Variants in TINAG observed in about 807,000 individuals in gnomAD.
TINAG encodes the protein tubulointerstitial nephritis antigen.
In TINAG, 83 loss-of-function variants were observed where a neutral mutation model predicts 72.7. The observed-to-expected ratio is 1.14, with a 90% CI of 0.96 to 1.37. The LOEUF (loss-of-function observed/expected upper bound fraction) is 1.37. Among genes scored for constraint, TINAG ranks in the 40% most tolerant of loss-of-function variants. The pLI is 0.00. For synonymous variants in TINAG, 234 were observed against 189.9 expected (o/e 1.23, Z -1.91); for missense variants, 685 against 576.6 (o/e 1.19, Z -1.93).
At chr6:54,333,016 G>C (rs1784776840) in intron 4 of TINAG, among the ~76,000 whole-genome samples, 1 of 152,164 alleles carries the variant, frequency 6.6e-6, no homozygotes, top group Admixed American at 6.5e-5. Context: ...TTTTACTGGT[G>C]ATGGGAGTGT....
chr6:54,384,481 C>T (rs540503945), intron 10 of TINAG, among the ~76,000 whole-genome samples: 56 of 152,008 alleles, frequency 3.7e-4, no homozygotes, highest in African/African-American at 1.1e-3. Context: ...ACACATTATT[C>T]TCAAAAAAAG....
intron 9 of TINAG, among the ~76,000 whole-genome samples, chr6:54,371,036 T>C (rs1427405993): frequency 6.6e-6 from 1 of 152,042 alleles, no homozygotes; most frequent in African/African-American, 2.4e-5. Flanking sequence ...GGCAAAGACA[T>C]TGTAGGAATG....
At chr6:54,342,167 ATC>A in intron 4 of TINAG, among the ~76,000 whole-genome samples, 1 of 152,260 alleles carries the variant, frequency 6.6e-6, no homozygotes, top group Middle Eastern at 3.4e-3. Context: ...AGTGAAAGTC[ATC>A]TCTTTAGAAA....
intron 10 of TINAG, among the ~76,000 whole-genome samples, chr6:54,384,636 G>A (rs1203406200): frequency 1.3e-5 from 2 of 151,986 alleles, no homozygotes; most frequent in Non-Finnish European, 1.5e-5. Context: ...TTTATACATG[G>A]TGACATTTTT....
At chr6:54,377,650 C>A (rs1763820283) in intron 9 of TINAG, among the ~76,000 whole-genome samples, 1 of 152,024 alleles carries the variant, frequency 6.6e-6, no homozygotes, top group South Asian at 2.1e-4. Context: ...ATATTTAGAG[C>A]AAATATGAAT....
Position 54,354,559 on chromosome 6 carries a change from A to G in TINAG, c.1173A>G (p.Ile391Met). The change falls in exon 9 of 11, where the codon ATA becomes ATG. Residue 391 changes from isoleucine to methionine, a missense_variant. Coordinates refer to ENST00000259782, the MANE Select transcript of TINAG (RefSeq NM_014464.4). ...ATTTCTTCCATTATAAGACAGGGAT[A>G]TACAGACATGTTACCAGCACAAATA... ...REDFFHYKTG[I>M]YRHVTSTNKE... 6.2e-7 allele frequency: 1 copy of G among 1,610,454 alleles called. No homozygotes were observed. The highest frequency in any genetic ancestry group is 1.7e-4 in the Middle Eastern group (1 of 6,032).
At chr6:54,320,381 T>TA (rs968504763) in intron 1 of TINAG, among the ~76,000 whole-genome samples, 198 bp from the exon 2 acceptor site, 12 of 152,124 alleles carry the variant, frequency 7.9e-5, no homozygotes, top group Non-Finnish European at 1.5e-4. Flanking sequence ...AGTTTAAAGA[T>TA]AAAAGCATTG....
rs186603122 is a variant in TINAG at position 54,343,673 on chromosome 6, A to T, written c.748+324A>T. On this transcript the variant is annotated intron_variant, in intron 5 of 10. Coordinates refer to ENST00000259782, the MANE Select transcript of TINAG (RefSeq NM_014464.4). The stretch of plus-strand genomic sequence containing the variant: ...AGGATTAAGGTTCTTTTTCATTCAT[A>T]TATTATTTATAATTCTAATATACAT... 9.9e-5 allele frequency among the ~76,000 whole-genome samples: 15 copies of T among 152,068 alleles called. No homozygotes were observed. The East Asian group carries it at 1.3e-3, about 14-fold the overall frequency.
intron 1 of TINAG, among the ~76,000 whole-genome samples, chr6:54,319,167 A>G (rs1049260083): frequency 1.3e-5 from 2 of 152,132 alleles, no homozygotes; most frequent in Non-Finnish European, 2.9e-5. Context: ...ATGATTAAAA[A>G]TCAGCTTTGT....
At chr6:54,323,592 AT>A (rs1397499510) in intron 3 of TINAG, among the ~76,000 whole-genome samples, 12 of 152,086 alleles carry the variant, frequency 7.9e-5, no homozygotes, top group Admixed American at 3.3e-4. Context: ...TCTCTGTATT[AT>A]TTTTTAATGT....
At position 54,372,804 on chromosome 6, in the gene TINAG, A is replaced by T. The variant is rs1463544757; in HGVS notation, c.1251-7722A>T. Among the ~76,000 whole-genome samples the T allele has an allele frequency of 3.3e-5, 5 of 149,530 alleles. No homozygotes were observed. In the East Asian group the frequency reaches 1.0e-3, roughly 30 times the overall value. Reference sequence around the variant, plus strand: ...CACACACATATACATGACAATTCTGATAATGAATGAACCAAGAGTTTTGTT... The same window carrying T: ...CACACACATATACATGACAATTCTGTTAATGAATGAACCAAGAGTTTTGTT... On this transcript the variant is annotated intron_variant, in intron 9 of 10. Coordinates refer to ENST00000259782, the MANE Select transcript of TINAG (RefSeq NM_014464.4).
At chr6:54,367,480 A>T in intron 9 of TINAG, among the ~76,000 whole-genome samples, 1 of 151,810 alleles carries the variant, frequency 6.6e-6, no homozygotes, top group Non-Finnish European at 1.5e-5. Context: ...GTAATATTGT[A>T]AATTCATTGG....
chr6:54,350,141 A>G (rs1785229488), intron 7 of TINAG, among the ~76,000 whole-genome samples: 1 of 152,080 alleles, frequency 6.6e-6, no homozygotes, highest in Admixed American at 6.6e-5. Context: ...GGGTTTTAAA[A>G]TTATGTTTCA....
chr6:54,340,092 T>C (rs935822189), intron 4 of TINAG, among the ~76,000 whole-genome samples: 1 of 152,194 alleles, frequency 6.6e-6, no homozygotes, highest in Non-Finnish European at 1.5e-5. Flanking sequence ...AATTCTCCAG[T>C]GTTTATTGTT....
At chr6:54,356,351 A>G (rs954952148) in intron 9 of TINAG, among the ~76,000 whole-genome samples, 3 of 151,884 alleles carry the variant, frequency 2.0e-5, no homozygotes, top group Non-Finnish European at 4.4e-5. Flanking sequence ...CCTGGCCAAC[A>G]TGGTGAAACC....
At chr6:54,359,395 T>C (rs1420584054) in intron 9 of TINAG, among the ~76,000 whole-genome samples, 1 of 151,902 alleles carries the variant, frequency 6.6e-6, no homozygotes, top group Non-Finnish European at 1.5e-5. Flanking sequence ...ACTTTTCTAT[T>C]ATTCATAGAA....
Position 54,349,822 on chromosome 6 carries a change from A to G in TINAG, c.1006A>G (p.Lys336Glu). The G allele has an allele frequency of 8.1e-6, 13 of 1,611,158 alleles. No individual in the cohort carries two copies. The highest frequency in any genetic ancestry group is 1.1e-5 in the Non-Finnish European group (13 of 1,178,154). Residue 336 changes from lysine to glutamate, a missense_variant, in exon 7 of 11, where the codon AAG becomes GAG. Physicochemically the swap from Lys to Glu is moderately conservative, Grantham distance 56 (BLOSUM62 1). Coordinates refer to ENST00000259782, the MANE Select transcript of TINAG (RefSeq NM_014464.4). ...SDGRGKRHATKPCPNNVEKSN... is the reference protein window; with the variant it reads ...SDGRGKRHATEPCPNNVEKSN... The stretch of plus-strand genomic sequence containing the variant: ...TGGGCGAGGAAAACGGCATGCCACG[A>G]AGCCATGTCCCAACAACGTAGAAAA...
chr6:54,311,334 C>T (rs1376841756), intron 1 of TINAG, among the ~76,000 whole-genome samples: 1 of 152,128 alleles, frequency 6.6e-6, no homozygotes, highest in Non-Finnish European at 1.5e-5. Flanking sequence ...AAGTTGTCTA[C>T]AGCTCTTTGC....
At chr6:54,354,379 G>C (rs540019156) in intron 8 of TINAG, 134 bp from the exon 9 acceptor site, 1 of 757,222 alleles carries the variant, frequency 1.3e-6, no homozygotes. Flanking sequence ...AAGAAAATTA[G>C]GCTGAATCAC....
Sources: allele counts gnomAD v4.1 joint callset (sites outside exome capture counted in the v4.1 genomes callset), GRCh38; gene constraint gnomAD v4.1.1; transcripts MANE v1.5; gene names NCBI Gene and HGNC (gene_info 2026-07-23, HGNC 2026-07-21).